CLTRN: variants seen among roughly 807,000 people sequenced by gnomAD.
The protein encoded by CLTRN is collectrin.
CLTRN carries 12 observed loss-of-function variants against 14.5 expected under a neutral mutation model. The observed-to-expected ratio is 0.83, with a 90% CI of 0.53 to 1.34. The LOEUF (loss-of-function observed/expected upper bound fraction) is 1.34. Among genes scored for constraint, CLTRN ranks in the 40% most tolerant of loss-of-function variants. The pLI is 0.00. For synonymous variants in CLTRN, 58 were observed against 56.5 expected (o/e 1.03, Z -0.12); for missense variants, 154 against 165.1 (o/e 0.93, Z 0.37).
chrX:15,636,933 G>A (rs984501608), intron 5 of CLTRN, among the ~76,000 whole-genome samples: 3 of 111,279 alleles, frequency 2.7e-5, no homozygotes, highest in Non-Finnish European at 3.8e-5. Context: ...TGGTATTTGA[G>A]TTTACCTAGT....
intron 2 of CLTRN, among the ~76,000 whole-genome samples, chrX:15,663,924 T>A: frequency 8.9e-6 from 1 of 112,534 alleles, no homozygotes; most frequent in Middle Eastern, 4.6e-3. Flanking sequence ...TTTTGTGCTA[T>A]GAAAGACTTT....
upstream of CLTRN, among the ~76,000 whole-genome samples, chrX:15,668,056 G>A (rs1929654775): frequency 8.9e-6 from 1 of 111,946 alleles, no homozygotes; most frequent in South Asian, 3.6e-4. Flanking sequence ...TTTTTAAAAT[G>A]ATTGAAAAAA....
At chrX:15,671,842 G>GCACACACA (rs1436446255) in intron 1 of CLTRN, among the ~76,000 whole-genome samples, 3 of 59,389 alleles carry the variant, frequency 5.1e-5, no homozygotes, top group African/African-American at 2.7e-4. Context: ...AATTTTATGC[G>GCACACACA]CGCACACACA....
upstream of CLTRN, among the ~76,000 whole-genome samples, chrX:15,667,097 C>T (rs1317510252): frequency 1.8e-5 from 2 of 111,054 alleles, no homozygotes; most frequent in Non-Finnish European, 3.8e-5. Flanking sequence ...ATTAGCCGGG[C>T]GTGGTGGCAG....
chrX:15,660,686 A>C (rs1327692230), intron 2 of CLTRN, among the ~76,000 whole-genome samples: 1 of 108,027 alleles, frequency 9.3e-6, no homozygotes, highest in African/African-American at 3.4e-5. Context: ...ATGCACCTGT[A>C]GTCCCAGCTA....
intron 2 of CLTRN, among the ~76,000 whole-genome samples, chrX:15,660,858 G>A (rs768066638): frequency 7.4e-4 from 82 of 110,362 alleles, no homozygotes; most frequent in African/African-American, 2.6e-3. Flanking sequence ...GAATGGAAAT[G>A]GAAAAATCAC....
At chrX:15,642,926 CA>C (rs58097600) in intron 4 of CLTRN, among the ~76,000 whole-genome samples, 34,943 of 83,283 alleles carry the variant, frequency 0.42, 5,553 homozygotes, top group African/African-American at 0.59. Context: ...CCTGTCTCTA[CA>C]AAAAAAAAAA....
At chrX:15,642,492 C>A (rs1187505055) in intron 4 of CLTRN, among the ~76,000 whole-genome samples, 3 of 112,260 alleles carry the variant, frequency 2.7e-5, no homozygotes, top group African/African-American at 9.7e-5. Flanking sequence ...TGTTGGCTAT[C>A]CCCACTTCCT....
chrX:15,661,950 G>A (rs1051975928), intron 2 of CLTRN, among the ~76,000 whole-genome samples: 1 of 111,591 alleles, frequency 9.0e-6, no homozygotes, highest in Non-Finnish European at 1.9e-5. Context: ...CTTGCTTTTT[G>A]CACACATCTA....
chrX:15,654,429 C>G (rs890981316), intron 3 of CLTRN, among the ~76,000 whole-genome samples: 2 of 112,501 alleles, frequency 1.8e-5, no homozygotes, highest in Non-Finnish European at 3.7e-5. Context: ...TAGATTATAG[C>G]TTCCTTAGAA....
At chrX:15,637,201 C>G (rs183791382) in intron 5 of CLTRN, among the ~76,000 whole-genome samples, 3 of 111,315 alleles carry the variant, frequency 2.7e-5, no homozygotes, top group Non-Finnish European at 3.8e-5. Context: ...TCATTATTAT[C>G]TAATGTATGG....
At chrX:15,646,536 G>A (rs762050640) in intron 3 of CLTRN, 86 of 329,350 alleles carry the variant, frequency 2.6e-4, no homozygotes, top group South Asian at 2.3e-3. Flanking sequence ...CCAGGTCCAG[G>A]AGAACTGCAA....
Position 15,650,769 on chromosome X carries a change from C to T in CLTRN, c.204-5740G>A, listed in dbSNP as rs186934207. 5.4e-4 allele frequency among the ~76,000 whole-genome samples: 60 copies of T among 111,881 alleles called. 1 individual carries two copies. The highest frequency in any genetic ancestry group is 4.6e-3 in the Middle Eastern group (1 of 217). ...ACCAACAGATATATAACTCTACAGA[C>T]GTGTTTATATTTTGTTCACATACAG... On this transcript the variant is annotated intron_variant, in intron 3 of 5. Coordinates refer to ENST00000380342, the MANE Select transcript of CLTRN (RefSeq NM_020665.6).
At chrX:15,654,753 G>C (rs1929307728) in intron 3 of CLTRN, among the ~76,000 whole-genome samples, 1 of 112,686 alleles carries the variant, frequency 8.9e-6, no homozygotes, top group African/African-American at 3.2e-5. Flanking sequence ...CCAGGGCTAG[G>C]TTCCTGGGTG....
intron 3 of CLTRN, among the ~76,000 whole-genome samples, chrX:15,653,181 T>A (rs183343621): frequency 9.0e-6 from 1 of 110,687 alleles, no homozygotes; most frequent in Non-Finnish European, 1.9e-5. Flanking sequence ...AAGTTTGGGG[T>A]TTTTTTTCCT....
intron 3 of CLTRN, chrX:15,646,259 T>C (rs1034242220): frequency 2.5e-5 from 6 of 240,813 alleles, no homozygotes; most frequent in African/African-American, 1.7e-4. Flanking sequence ...ACCCGGCACA[T>C]GGCGCCTCGT....
At chrX:15,647,547 A>C (rs867561776) in intron 3 of CLTRN, among the ~76,000 whole-genome samples, 1 of 11,036 alleles carries the variant, frequency 9.1e-5, no homozygotes, top group Non-Finnish European at 2.0e-4. Flanking sequence ...GGGAGGGGGG[A>C]GGGGAAGGGG....
intron 5 of CLTRN, among the ~76,000 whole-genome samples, chrX:15,639,131 A>G (rs1928881182): frequency 8.9e-6 from 1 of 112,028 alleles, no homozygotes; most frequent in African/African-American, 3.2e-5. Context: ...ACAAGATGGT[A>G]GCCTGCATGC....
chrX:15,670,227 T>C (rs904703140), intron 1 of CLTRN, among the ~76,000 whole-genome samples: 10 of 109,044 alleles, frequency 9.2e-5, no homozygotes, highest in African/African-American at 3.0e-4. Flanking sequence ...CAGTGAGCCA[T>C]GATTGTGCCA....
Sources: gnomAD v4.1 joint callset for allele counts (sites outside exome capture counted in the v4.1 genomes callset) on GRCh38, gnomAD v4.1.1 for gene constraint, MANE v1.5 for transcripts, NCBI Gene and HGNC (gene_info 2026-07-23, HGNC 2026-07-21) for gene names.